The following ITGAM variants were observed in gnomAD, a reference collection of about 807,000 sequenced individuals.
ITGAM encodes integrin alpha-M.
Under a neutral mutation model 137.5 loss-of-function variants are expected in ITGAM, and 79 were observed. The ratio of observed to expected loss-of-function variants is 0.57; its 90% CI spans 0.48 to 0.69. ITGAM has a LOEUF of 0.69. ITGAM is among the 30% of genes least tolerant of loss of function. The pLI is 0.00. For missense variants in ITGAM, 1,343 were observed against 1,483.5 expected (o/e 0.91, Z 1.56); for synonymous variants, 583 against 592.3 (o/e 0.98, Z 0.23).
chr16:31,271,185 G>A (rs2079835864), intron 6 of ITGAM, 101 bp downstream of exon 6: 2 of 1,024,186 alleles, frequency 2.0e-6, no homozygotes, highest in Non-Finnish European at 2.7e-6. Context: ...TGCAGACATT[G>A]CCAAATTGAC....
At chr16:31,261,637 C>A in intron 1 of ITGAM, 55 bp from the exon 2 acceptor site, 2 of 1,147,790 alleles carry the variant, frequency 1.7e-6, no homozygotes, top group Non-Finnish European at 2.6e-6. Flanking sequence ...GGACTACAGC[C>A]CCTAACTGGC....
At chr16:31,292,991 T>C (rs2080101613) in intron 12 of ITGAM, among the ~76,000 whole-genome samples, 1 of 152,208 alleles carries the variant, frequency 6.6e-6, no homozygotes, top group Non-Finnish European at 1.5e-5. Flanking sequence ...TGGTTTTGAT[T>C]TACATTTCTC....
chr16:31,302,313 T>C (rs1208909971), intron 14 of ITGAM, among the ~76,000 whole-genome samples: 1 of 152,220 alleles, frequency 6.6e-6, no homozygotes, highest in African/African-American at 2.4e-5. Flanking sequence ...GTAAGAGCAC[T>C]GTGCAATCTA....
In ITGAM at chr16:31,277,959, A is replaced by C. The variant is rs914418758; in HGVS notation, c.1214-8A>C. The C allele has an allele frequency of 3.2e-6, 5 of 1,583,848 alleles. No homozygotes were observed. The highest frequency in any genetic ancestry group is 4.3e-6 in the Non-Finnish European group (5 of 1,164,670). On this transcript the variant is annotated splice_region_variant and splice_polypyrimidine_tract_variant and intron_variant, in intron 11 of 29. Coordinates refer to ENST00000544665, the MANE Select transcript of ITGAM (RefSeq NM_000632.4). ...AATGCACTTCACCTCTCAGACCCCC[A>C]CCTTCAGGTTATGCTGCCGCCATCA...
intron 23 of ITGAM, 155 bp from the exon 24 acceptor site, chr16:31,329,073 T>TGCCCC: frequency 1.4e-4 from 59 of 426,186 alleles, no homozygotes; most frequent in South Asian, 3.0e-4. Context: ...ACACATTGGT[T>TGCCCC]CCCCCATCCC....
chr16:31,319,919 T>C (rs2080431350), intron 14 of ITGAM, among the ~76,000 whole-genome samples: 1 of 152,002 alleles, frequency 6.6e-6, no homozygotes. Flanking sequence ...TTCAGGCCAT[T>C]CTTCTGCCTC....
Position 31,326,873 on chromosome 16 carries a change from G to A in ITGAM, c.2646G>A (p.Thr882=), listed in dbSNP as rs377439961. 283 of 1,611,974 alleles carry A rather than the reference G, an allele frequency of 1.8e-4. No homozygotes were observed. The African/African-American group carries it at 3.2e-3, about 18-fold the overall frequency. ...PENSEVTFNI[T]FDVDSKASLG... Reference sequence around the variant, plus strand: ...CACTCCAGGTCACCTTTAATATCACGTTTGATGTAGACTCTAAGGCTTCCC... The same window carrying A: ...CACTCCAGGTCACCTTTAATATCACATTTGATGTAGACTCTAAGGCTTCCC... The change falls in exon 22 of 30, where the codon ACG becomes ACA. Residue 882 remains threonine (T), a synonymous_variant. Coordinates refer to ENST00000544665, the MANE Select transcript of ITGAM (RefSeq NM_000632.4).
At chr16:31,262,907 T>G (rs1436838976) in intron 2 of ITGAM, among the ~76,000 whole-genome samples, 1 of 152,232 alleles carries the variant, frequency 6.6e-6, no homozygotes, top group Non-Finnish European at 1.5e-5. Flanking sequence ...TCCCATGTTA[T>G]GCTTGCATTG....
In ITGAM at chr16:31,273,438, G is replaced by A; in HGVS notation, c.778G>A (p.Glu260Lys). 6.2e-7 allele frequency: 1 copy of A among 1,613,932 alleles called. No homozygotes were observed. Among genetic ancestry groups the A allele is most frequent in the Non-Finnish European group, 8.5e-7 (1 of 1,179,848 alleles). ...FKILVVITDG[E>K]KFGDPLGYED... Reference sequence around the variant, plus strand: ...GATCCTAGTTGTCATCACGGATGGAGAAAAGTTTGGCGATCCCTTGGGATA... The same window carrying A: ...GATCCTAGTTGTCATCACGGATGGAAAAAAGTTTGGCGATCCCTTGGGATA... The change falls in exon 8 of 30, where the codon GAA (glutamate) becomes AAA (lysine). Residue 260 changes from glutamate (E) to lysine (K), a missense_variant. Physicochemically the swap from Glu to Lys is moderately conservative, Grantham distance 56 (BLOSUM62 1). Coordinates refer to ENST00000544665, the MANE Select transcript of ITGAM (RefSeq NM_000632.4).
intron 12 of ITGAM, among the ~76,000 whole-genome samples, chr16:31,295,963 G>A (rs902152244): frequency 9.9e-5 from 15 of 151,786 alleles, no homozygotes; most frequent in South Asian, 6.2e-4. Flanking sequence ...TTTTTTTTGC[G>A]TATATTGAGA....
intron 12 of ITGAM, among the ~76,000 whole-genome samples, chr16:31,295,401 T>C (rs1183633898): frequency 1.3e-5 from 2 of 152,144 alleles, no homozygotes; most frequent in East Asian, 1.9e-4. Context: ...TTAGTGTACA[T>C]GTTTTTCACC....
chr16:31,312,752 C>A (rs538770863), intron 14 of ITGAM, among the ~76,000 whole-genome samples: 35 of 151,992 alleles, frequency 2.3e-4, no homozygotes, highest in Non-Finnish European at 1.3e-4. Context: ...TTCAGAACAT[C>A]TTTAGTGTTC....
At chr16:31,286,791 G>T (rs1175163187) in intron 12 of ITGAM, among the ~76,000 whole-genome samples, 2 of 152,106 alleles carry the variant, frequency 1.3e-5, no homozygotes, top group Non-Finnish European at 2.9e-5. Context: ...CTCCCATTCT[G>T]AAAGTTTTCT....
At chr16:31,265,773 C>T in intron 3 of ITGAM, 38 bp from the exon 4 acceptor site, 1 of 1,586,790 alleles carries the variant, frequency 6.3e-7, no homozygotes, top group South Asian at 1.1e-5. Flanking sequence ...TTCTCTGTCC[C>T]CCCACCAGGG....
At position 31,331,875 on chromosome 16, in the gene ITGAM, C is replaced by T. The variant is rs4990418; in HGVS notation, c.*168C>T. The T allele has an allele frequency of 5.5e-6, 3 of 548,750 alleles. No homozygotes were observed. In the East Asian group the frequency reaches 9.4e-5, roughly 17 times the overall value. 34.0% of individuals were successfully genotyped at this position (548,750 alleles called of 1,614,324 possible). ...TGTGTATGTGCGTGTGTGCAAGTGT[C>T]TGTGTGCAAGTGTGTGCACATGTGT... On this transcript the variant is annotated 3_prime_UTR_variant, in exon 30 of 30. Coordinates refer to ENST00000544665, the MANE Select transcript of ITGAM (RefSeq NM_000632.4).
At chr16:31,265,244 A>T in intron 2 of ITGAM, 151 bp from the exon 3 acceptor site, 1 of 488,606 alleles carries the variant, frequency 2.0e-6, no homozygotes, top group Non-Finnish European at 3.7e-6. Context: ...ACATTTTCCC[A>T]TTTTTTTCTT....
intron 21 of ITGAM, 65 bp from the exon 22 acceptor site, chr16:31,326,791 G>C (rs1023745059): frequency 9.4e-7 from 1 of 1,065,710 alleles, no homozygotes; most frequent in African/African-American, 1.6e-5. Context: ...TTAATCAGAT[G>C]ACGGGCATTT....
chr16:31,330,516 C>A lies in ITGAM; in HGVS notation c.3187C>A (p.His1063Asn), dbSNP rs1360504317. 1.9e-6 allele frequency: 3 copies of A among 1,613,726 alleles called. No homozygotes were observed. The highest frequency in any genetic ancestry group is 1.7e-6 in the Non-Finnish European group (2 of 1,179,668). The change falls in exon 28 of 30, where the codon CAC (histidine) becomes AAC (asparagine). Residue 1063 changes from histidine (H) to asparagine (N), a missense_variant. Transcript: ENST00000544665. ...FDWYIKTSHNHLLIVSTAEIL... is the reference protein window; with the variant it reads ...FDWYIKTSHNNLLIVSTAEIL... ...CTCTCTTCCACAGACCTCGCATAAC[C>A]ACCTCCTGATCGTGAGCACAGCTGA...
chr16:31,324,575 C>A lies in ITGAM; in HGVS notation c.2157+22C>A, dbSNP rs1045799417. On this transcript the variant is annotated intron_variant, in intron 17 of 29. Coordinates refer to ENST00000544665, the MANE Select transcript of ITGAM (RefSeq NM_000632.4). This position sits in a 1 kb window ranked among gnomAD's most constrained non-coding sequence, Gnocchi z 4.5. The stretch of plus-strand genomic sequence containing the variant: ...GCCGGTGAGCAGGCTAGTGGCCAGA[C>A]CCCTGGGTCTTCCAAGCATGGAGTG... 1 of 1,610,076 alleles carries A rather than the reference C, an allele frequency of 6.2e-7. No homozygotes were observed. The highest frequency in any genetic ancestry group is 8.5e-7 in the Non-Finnish European group (1 of 1,178,286).
Sources: allele counts gnomAD v4.1 joint callset (sites outside exome capture counted in the v4.1 genomes callset), GRCh38; gene constraint gnomAD v4.1.1; non-coding constraint Gnocchi (gnomAD v3.1); transcripts MANE v1.5; gene names NCBI Gene and HGNC (gene_info 2026-07-23, HGNC 2026-07-21).